Variants in PIBF1 observed in about 807,000 individuals in gnomAD.
The protein encoded by PIBF1 is progesterone immunomodulatory binding factor 1, also known as progesterone-induced-blocking factor 1.
PIBF1 carries 90 observed loss-of-function variants against 112.5 expected under a neutral mutation model. The ratio of observed to expected loss-of-function variants is 0.80; its 90% CI spans 0.67 to 0.95. PIBF1 has a LOEUF of 0.95. Among genes scored for constraint, PIBF1 ranks in the 40% least tolerant of loss-of-function variants. The probability of loss-of-function intolerance (pLI) is 0.00; values close to 1 mark genes in which losing one functional copy is unlikely to be tolerated. For synonymous variants in PIBF1, 301 were observed against 288.6 expected, an observed-to-expected ratio of 1.04 and a Z score of -0.44; for missense variants, 915 against 852.3, an observed-to-expected ratio of 1.07 and a Z score of -0.92.
chr13:72,850,963 T>C (rs1390427516), intron 9 of PIBF1, among the ~76,000 whole-genome samples: 1 of 152,224 alleles, frequency 6.6e-6, no homozygotes, highest in Non-Finnish European at 1.5e-5. Flanking sequence ...ACTCCAGCAT[T>C]TCTGAAGAAA....
At chr13:72,870,868 A>C (rs2039133054) in intron 10 of PIBF1, among the ~76,000 whole-genome samples, 1 of 151,772 alleles carries the variant, frequency 6.6e-6, no homozygotes, top group African/African-American at 2.4e-5. Flanking sequence ...CCTGATTCAG[A>C]GTGTACAAGT....
chr13:72,882,385 T>C (rs2039679217), intron 10 of PIBF1, among the ~76,000 whole-genome samples: 1 of 152,128 alleles, frequency 6.6e-6, no homozygotes, highest in Non-Finnish European at 1.5e-5. Context: ...AGCAAAGATT[T>C]CTTGAGTGAT....
chr13:72,878,125 T>C (rs1397568466), intron 10 of PIBF1, among the ~76,000 whole-genome samples: 5 of 152,102 alleles, frequency 3.3e-5, no homozygotes. Flanking sequence ...TATTGATTTT[T>C]TTTTTCAAAG....
At chr13:72,857,676 TA>T (rs972284048) in intron 10 of PIBF1, among the ~76,000 whole-genome samples, 1 of 152,092 alleles carries the variant, frequency 6.6e-6, no homozygotes, top group African/African-American at 2.4e-5. Flanking sequence ...CTGTCTCTAC[TA>T]AAAATGCAAA....
chr13:72,981,055 G>A (rs1196638304), intron 16 of PIBF1, among the ~76,000 whole-genome samples: 1 of 151,626 alleles, frequency 6.6e-6, no homozygotes, highest in Non-Finnish European at 1.5e-5. Context: ...GACCAGCCTG[G>A]CCAACATGGT....
chr13:72,909,300 C>T lies in PIBF1; in HGVS notation c.1639+619C>T, dbSNP rs191016736. On this transcript the variant is annotated intron_variant, in intron 12 of 17. Coordinates refer to ENST00000326291, the MANE Select transcript of PIBF1 (RefSeq NM_006346.4). ...ATTAGGAGTTCATGGAAATAATTCC[C>T]GTCTCAAGGGGTTTCTAATCTACTG... Among the ~76,000 whole-genome samples, 78 of 152,138 alleles carry T rather than the reference C, an allele frequency of 5.1e-4. No individual in the cohort carries two copies. The Middle Eastern group carries it at 0.014, about 27-fold the overall frequency.
chr13:72,963,915 G>A (rs984462115), intron 14 of PIBF1, among the ~76,000 whole-genome samples: 3 of 152,104 alleles, frequency 2.0e-5, no homozygotes, highest in South Asian at 2.1e-4. Context: ...CTGTGGAACC[G>A]TTGCAGTTCC....
intron 5 of PIBF1, among the ~76,000 whole-genome samples, chr13:72,811,609 A>AAAAAGAGG (rs71099753): frequency 1.2e-5 from 1 of 84,168 alleles, no homozygotes; most frequent in Non-Finnish European, 3.0e-5. Context: ...AAAAAAAAAA[A>AAAAAGAGG]GAGAGAGAAA....
rs989032358 is a variant in PIBF1 at position 72,999,075 on chromosome 13, C to T, written c.2223+80C>T. The T allele has an allele frequency of 2.9e-5, 27 of 932,500 alleles. No individual in the cohort carries two copies. In the Middle Eastern group the frequency reaches 1.4e-3, roughly 48 times the overall value. The allele number at this position is 932,500 out of a possible 1,614,324, so 57.8% of individuals were successfully genotyped here. On this transcript the variant is annotated intron_variant, in intron 17 of 17. Transcript: ENST00000326291. ...TATTTTAGTTAATTTTTTCCTTTTA[C>T]ATTTATGAAATGAGTAGATTCCACA...
intron 16 of PIBF1, among the ~76,000 whole-genome samples, chr13:72,984,145 G>T (rs1389398965): frequency 6.6e-6 from 1 of 152,044 alleles, no homozygotes; most frequent in Admixed American, 6.5e-5. Context: ...GGACTAAAAT[G>T]TTGCAAAAAA....
chr13:72,833,877 C>G (rs2037232549), intron 8 of PIBF1, among the ~76,000 whole-genome samples: 1 of 152,126 alleles, frequency 6.6e-6, no homozygotes, highest in African/African-American at 2.4e-5. Flanking sequence ...GTGCTCTGTC[C>G]CAGGGAGCTA....
At chr13:72,830,904 A>ATT (rs1217926247) in intron 8 of PIBF1, among the ~76,000 whole-genome samples, 2 of 151,244 alleles carry the variant, frequency 1.3e-5, no homozygotes, top group Admixed American at 1.3e-4. Flanking sequence ...CTCATCCTGG[A>ATT]TTTTTTTTTG....
intron 10 of PIBF1, among the ~76,000 whole-genome samples, chr13:72,857,898 T>TTG (rs774983394): frequency 6.6e-6 from 1 of 152,124 alleles, no homozygotes; most frequent in Admixed American, 6.5e-5. Flanking sequence ...AACCAAAAGG[T>TTG]TGATAATACA....
intron 15 of PIBF1, among the ~76,000 whole-genome samples, chr13:72,967,290 G>T (rs2042768611): frequency 6.6e-6 from 1 of 151,946 alleles, no homozygotes; most frequent in Non-Finnish European, 1.5e-5. Context: ...TGATGAGGAG[G>T]TATATAAAAA....
At chr13:72,884,973 C>G (rs1281204994) in intron 10 of PIBF1, among the ~76,000 whole-genome samples, 1 of 151,914 alleles carries the variant, frequency 6.6e-6, no homozygotes, top group African/African-American at 2.4e-5. Context: ...TTTGTATGCC[C>G]TCATGATAAA....
intron 9 of PIBF1, among the ~76,000 whole-genome samples, chr13:72,852,984 T>G (rs1344524827): frequency 2.6e-5 from 4 of 152,136 alleles, no homozygotes; most frequent in African/African-American, 7.2e-5. Flanking sequence ...TAAAGGGCTT[T>G]GTAGGGATTA....
At chr13:72,870,382 C>G (rs551405581) in intron 10 of PIBF1, among the ~76,000 whole-genome samples, 1 of 152,288 alleles carries the variant, frequency 6.6e-6, no homozygotes, top group Non-Finnish European at 1.5e-5. Context: ...AGAAACGTAT[C>G]TCTCCCCATG....
intron 9 of PIBF1, among the ~76,000 whole-genome samples, chr13:72,851,161 G>A (rs1014013103): frequency 3.4e-4 from 51 of 152,158 alleles, no homozygotes; most frequent in Admixed American, 3.1e-3. Context: ...AGCAGGAGCC[G>A]GAAACAGGCA....
chr13:72,891,562 GTGT>G, intron 10 of PIBF1, among the ~76,000 whole-genome samples: 1 of 152,134 alleles, frequency 6.6e-6, no homozygotes, highest in Admixed American at 6.6e-5. Context: ...ACAATGATAA[GTGT>G]TGTTAAGAAT....
Sources: allele counts gnomAD v4.1 joint callset (sites outside exome capture counted in the v4.1 genomes callset), GRCh38; gene constraint gnomAD v4.1.1; transcripts MANE v1.5; gene names NCBI Gene and HGNC (gene_info 2026-07-23, HGNC 2026-07-21).